Variants in MAP2 observed in about 807,000 individuals in gnomAD.
MAP2 encodes microtubule associated protein 2, also known as microtubule-associated protein 2.
Under a neutral mutation model 137.6 loss-of-function variants are expected in MAP2, and 14 were observed. That is an observed-to-expected ratio of 0.10 (90% CI 0.07 to 0.16). The LOEUF (loss-of-function observed/expected upper bound fraction) is 0.16, where lower values mean the gene tolerates loss of function less well. MAP2 is among the 10% of genes least tolerant of loss of function. The pLI is 1.00. For synonymous variants in MAP2, 786 were observed against 782.3 expected, an observed-to-expected ratio of 1.00 and a Z score of -0.08; for missense variants, 2,088 against 2,191.5, an observed-to-expected ratio of 0.95 and a Z score of 0.94.
At chr2:209,532,543 G>A (rs1460280753) in intron 2 of MAP2, among the ~76,000 whole-genome samples, 1 of 152,144 alleles carries the variant, frequency 6.6e-6, no homozygotes, top group Non-Finnish European at 1.5e-5. Flanking sequence ...GGCTGGGACT[G>A]GATTCAAGTT....
At chr2:209,720,243 TTAATA>T (rs1175007107) in intron 13 of MAP2, among the ~76,000 whole-genome samples, 2 of 152,146 alleles carry the variant, frequency 1.3e-5, no homozygotes, top group South Asian at 2.1e-4. Flanking sequence ...ATCTGGTTGA[TTAATA>T]TAATATTTTT....
rs562520966 is a variant in MAP2 at position 209,453,922 on chromosome 2, C to T, written c.-222+29646C>T. 7.2e-5 allele frequency among the ~76,000 whole-genome samples: 11 copies of T among 152,104 alleles called. No homozygotes were observed. In the East Asian group the frequency reaches 1.2e-3, roughly 16 times the overall value. On this transcript the variant is annotated intron_variant, in intron 1 of 15. Coordinates refer to ENST00000682079, the MANE Select transcript of MAP2 (RefSeq NM_001375505.1). ...ATCCCAGAACTTTGGGAGGCCCAGA[C>T]GGGTGGATCACAAGGTCAGGAGATC... is the stretch of plus-strand genomic sequence containing the variant.
intron 2 of MAP2, among the ~76,000 whole-genome samples, chr2:209,534,634 T>A (rs2065676583): frequency 6.6e-6 from 1 of 152,228 alleles, no homozygotes; most frequent in Non-Finnish European, 1.5e-5. Flanking sequence ...AGCTCTTGAG[T>A]CTGTCAACAT....
At chr2:209,583,568 T>TA (rs1280118040) in intron 3 of MAP2, among the ~76,000 whole-genome samples, 1 of 151,280 alleles carries the variant, frequency 6.6e-6, no homozygotes, top group Non-Finnish European at 1.5e-5. Flanking sequence ...ATGGGCAGAG[T>TA]AAAAATACCA....
intron 5 of MAP2, among the ~76,000 whole-genome samples, chr2:209,654,197 T>G (rs76894076): frequency 0.033 from 5,011 of 152,300 alleles, 259 homozygotes; most frequent in African/African-American, 0.11. Context: ...ATAATATCTG[T>G]CAAACACTGC....
At chr2:209,702,467 G>A (rs889929183) in intron 11 of MAP2, among the ~76,000 whole-genome samples, 6 of 151,376 alleles carry the variant, frequency 4.0e-5, no homozygotes, top group Admixed American at 2.0e-4. Context: ...TTTTTTGGTA[G>A]TTGTATGCTC....
chr2:209,428,733 GT>G (rs1693285042), intron 1 of MAP2, among the ~76,000 whole-genome samples: 1 of 151,766 alleles, frequency 6.6e-6, no homozygotes, highest in Non-Finnish European at 1.5e-5. Flanking sequence ...GGCTTCAACA[GT>G]TTTTTCCTTG....
At chr2:209,498,724 T>C (rs2060040582) in intron 1 of MAP2, among the ~76,000 whole-genome samples, 1 of 152,214 alleles carries the variant, frequency 6.6e-6, no homozygotes, top group African/African-American at 2.4e-5. Flanking sequence ...AGAGCAGTGG[T>C]ATGACAGTGT....
intron 1 of MAP2, among the ~76,000 whole-genome samples, chr2:209,485,939 G>C (rs977451050): frequency 2.6e-5 from 4 of 152,180 alleles, no homozygotes; most frequent in African/African-American, 9.6e-5. Flanking sequence ...TTCAGCTTCT[G>C]CTTCTTTCTT....
chr2:209,680,735 T>C lies in MAP2; in HGVS notation c.377-15T>C, dbSNP rs756189936. ...TTAATTATTGCATCTCATTTTTCTA[T>C]TGTTTGATCTTTAGCAGCTGAAGAA... On this transcript the variant is annotated splice_polypyrimidine_tract_variant and intron_variant, in intron 6 of 15. Transcript: ENST00000682079. 13 of 1,609,762 alleles carry C rather than the reference T, an allele frequency of 8.1e-6. No homozygotes were observed. In the East Asian group the frequency reaches 2.5e-4, roughly 30 times the overall value.
intron 2 of MAP2, among the ~76,000 whole-genome samples, chr2:209,535,555 T>G (rs1184680330): frequency 6.6e-6 from 1 of 151,370 alleles, no homozygotes; most frequent in Non-Finnish European, 1.5e-5. Context: ...TCTGGCAAAG[T>G]GTCTTTTTTT....
intron 1 of MAP2, among the ~76,000 whole-genome samples, chr2:209,449,181 C>A (rs1165591950): frequency 6.6e-6 from 1 of 152,172 alleles, no homozygotes; most frequent in African/African-American, 2.4e-5. Context: ...GTTATACATT[C>A]CACAGTCTTA....
intron 4 of MAP2, among the ~76,000 whole-genome samples, chr2:209,638,309 G>A: frequency 6.6e-6 from 1 of 152,050 alleles, no homozygotes; most frequent in South Asian, 2.1e-4. Context: ...GATCAAACTT[G>A]GGTTGCAAGG....
At chr2:209,498,775 T>G (rs2060046815) in intron 1 of MAP2, among the ~76,000 whole-genome samples, 1 of 152,182 alleles carries the variant, frequency 6.6e-6, no homozygotes, top group Non-Finnish European at 1.5e-5. Context: ...GAGCTTCCAG[T>G]GCAGTACAGT....
intron 2 of MAP2, among the ~76,000 whole-genome samples, chr2:209,552,104 A>C (rs562443216): frequency 6.6e-6 from 1 of 152,366 alleles, no homozygotes; most frequent in Non-Finnish European, 1.5e-5. Context: ...AGGTTGCATA[A>C]GTGTTTATTG....
intron 1 of MAP2, among the ~76,000 whole-genome samples, chr2:209,468,058 C>T (rs1350029182): frequency 6.6e-6 from 1 of 150,980 alleles, no homozygotes; most frequent in South Asian, 2.1e-4. Flanking sequence ...CCTAAGCCTG[C>T]TCACTCCCTC....
At chr2:209,445,067 T>TA (rs987940648) in intron 1 of MAP2, among the ~76,000 whole-genome samples, 1 of 151,510 alleles carries the variant, frequency 6.6e-6, no homozygotes, top group Non-Finnish European at 1.5e-5. Context: ...CTCTTGAAAT[T>TA]AAAAAATAAT....
At chr2:209,501,987 AT>A (rs1426379013) in intron 1 of MAP2, among the ~76,000 whole-genome samples, 2 of 152,084 alleles carry the variant, frequency 1.3e-5, no homozygotes, top group African/African-American at 4.8e-5. Context: ...AAAATTGTAT[AT>A]ATTTAAGTGT....
intron 3 of MAP2, among the ~76,000 whole-genome samples, chr2:209,615,432 T>C (rs2088885516): frequency 1.3e-5 from 2 of 152,152 alleles, no homozygotes; most frequent in African/African-American, 4.8e-5. Flanking sequence ...AAAATAACCA[T>C]AGGGTTTCTG....
Sources: gnomAD v4.1 joint callset for allele counts (sites outside exome capture counted in the v4.1 genomes callset) on GRCh38, gnomAD v4.1.1 for gene constraint, MANE v1.5 for transcripts, NCBI Gene and HGNC (gene_info 2026-07-23, HGNC 2026-07-21) for gene names.